Variants in LRP4 observed in about 807,000 individuals in gnomAD.
LRP4 encodes the protein low-density lipoprotein receptor-related protein 4.
A neutral mutation model predicts 220.3 loss-of-function variants in LRP4; 95 were observed. The observed-to-expected ratio is 0.43, with a 90% CI of 0.37 to 0.51. LRP4 has a LOEUF of 0.51. LRP4 is among the 20% of genes least tolerant of loss of function. LRP4 has a pLI of 0.00. For missense variants in LRP4, 1,925 were observed against 2,567.0 expected (o/e 0.75, Z 5.40); for synonymous variants, 903 against 954.6 (o/e 0.95, Z 1.00).
chr11:46,876,507 G>T lies in LRP4; in HGVS notation c.3495C>A (p.Asn1165Lys). ...GTACGATGGCCCGGGGACTGTCAAG[G>T]TTCTGCCACACCAACACTTTCCGCA... is the stretch of plus-strand genomic sequence containing the variant. ...GSMRKVLVWQ[N>K]LDSPRAIVLY... Residue 1165 changes from asparagine to lysine, a missense_variant, in exon 25 of 38, where the codon AAC (asparagine) becomes AAA (lysine). Coordinates refer to ENST00000378623, the MANE Select transcript of LRP4 (RefSeq NM_002334.4). 6.2e-7 allele frequency: 1 copy of T among 1,614,178 alleles called. No individual in the cohort carries two copies. The highest frequency in any genetic ancestry group is 8.5e-7 in the Non-Finnish European group (1 of 1,180,038).
At chr11:46,870,964 T>A (rs1008407219) in intron 31 of LRP4, among the ~76,000 whole-genome samples, 1 of 152,148 alleles carries the variant, frequency 6.6e-6, no homozygotes, top group Non-Finnish European at 1.5e-5. Context: ...CTGAGAGAGG[T>A]TCAGTCACTC....
chr11:46,894,336 C>A (rs1434206904), intron 12 of LRP4, among the ~76,000 whole-genome samples: 1 of 152,210 alleles, frequency 6.6e-6, no homozygotes, highest in Admixed American at 6.5e-5. Flanking sequence ...AAATCTGATT[C>A]CCATGATCAC....
intron 16 of LRP4, among the ~76,000 whole-genome samples, chr11:46,886,961 A>G (rs1416013635): frequency 1.3e-5 from 2 of 152,188 alleles, no homozygotes; most frequent in Admixed American, 1.3e-4. Flanking sequence ...TTAAGCCAGT[A>G]GCTTAAGCTG....
chr11:46,859,136 G>C lies in LRP4; in HGVS notation c.5565C>G (p.Gly1855=). The change falls in exon 38 of 38, where the codon GGC becomes GGG. Residue 1855 remains glycine (G), a synonymous_variant. Transcript: ENST00000378623. ...TDTVSIQASS[G]SLDDTETEQL... is the part of the protein sequence containing the mutation. ...GCTCCGTCTCTGTGTCATCCAGGGA[G>C]CCAGAGCTGGCCTGGATGGACACCG... 1 of 1,614,196 alleles carries C rather than the reference G, an allele frequency of 6.2e-7. No individual in the cohort carries two copies. The highest frequency in any genetic ancestry group is 8.5e-7 in the Non-Finnish European group (1 of 1,180,026).
At chr11:46,877,162 G>T (rs749555453) in intron 23 of LRP4, 37 bp downstream of exon 23, 3 of 1,611,422 alleles carry the variant, frequency 1.9e-6, no homozygotes, top group Non-Finnish European at 2.5e-6. Context: ...GAAGGGCAGG[G>T]ACAGAAGGCC....
chr11:46,915,391 C>A (rs1036261709), intron 1 of LRP4, among the ~76,000 whole-genome samples: 18 of 152,200 alleles, frequency 1.2e-4, no homozygotes, highest in Non-Finnish European at 2.2e-4. Flanking sequence ...CATGCCCTTA[C>A]TTCAAACTTC....
chr11:46,893,288 G>A (rs1047017406), intron 12 of LRP4, among the ~76,000 whole-genome samples, 159 bp from the exon 13 acceptor site: 46 of 152,190 alleles, frequency 3.0e-4, no homozygotes, highest in African/African-American at 1.1e-3. Context: ...AACTCTGTGA[G>A]CTAGATACTG....
intron 1 of LRP4, among the ~76,000 whole-genome samples, chr11:46,904,975 CAAAAAAAAAAAA>C (rs10589238): frequency 2.3e-5 from 1 of 44,278 alleles, no homozygotes; most frequent in African/African-American, 8.9e-5. Context: ...GACCTTGTCT[CAAAAAAAAAAAA>C]AAAAAAAAAA....
At chr11:46,884,458 C>T (rs7119247) in intron 18 of LRP4, among the ~76,000 whole-genome samples, 117,152 of 151,754 alleles carry the variant, frequency 0.77, 46,087 homozygotes, top group Middle Eastern at 0.86. Flanking sequence ...AAAAATTGGC[C>T]GGGCGCAGTG....
chr11:46,869,992 G>C (rs1318263962), intron 31 of LRP4, among the ~76,000 whole-genome samples: 1 of 152,044 alleles, frequency 6.6e-6, no homozygotes, highest in East Asian at 1.9e-4. Flanking sequence ...TGTAATCCCA[G>C]CTACTCAGGA....
At chr11:46,895,529 C>T (rs181218329) in intron 10 of LRP4, among the ~76,000 whole-genome samples, 7 of 152,062 alleles carry the variant, frequency 4.6e-5, no homozygotes, top group Admixed American at 2.0e-4. Flanking sequence ...TGCAGTGAGC[C>T]GAGATCGCAC....
At chr11:46,864,065 T>TTTG (rs1289892821) in intron 36 of LRP4, among the ~76,000 whole-genome samples, 1 of 152,184 alleles carries the variant, frequency 6.6e-6, no homozygotes, top group Non-Finnish European at 1.5e-5. Context: ...AAAGGCTGTG[T>TTTG]TTGTATAAGG....
At chr11:46,867,597 G>A (rs1940738192) in intron 34 of LRP4, among the ~76,000 whole-genome samples, 1 of 152,182 alleles carries the variant, frequency 6.6e-6, no homozygotes, top group Non-Finnish European at 1.5e-5. Flanking sequence ...GAGTAGCTGG[G>A]ATTACAGGCA....
intron 25 of LRP4, 58 bp downstream of exon 25, chr11:46,876,408 C>A: frequency 1.9e-6 from 3 of 1,606,740 alleles, no homozygotes; most frequent in Non-Finnish European, 2.6e-6. Flanking sequence ...TTTACCCCGT[C>A]ATAACCCCAG....
At chr11:46,898,029 G>A (rs1167657671) in intron 7 of LRP4, among the ~76,000 whole-genome samples, 11 of 144,628 alleles carry the variant, frequency 7.6e-5, no homozygotes, top group African/African-American at 2.4e-4. Context: ...CCTCCCGGAC[G>A]GGGCGGCTGG....
intron 1 of LRP4, among the ~76,000 whole-genome samples, chr11:46,905,773 AC>A (rs1351637530): frequency 6.7e-6 from 1 of 150,218 alleles, no homozygotes; most frequent in Non-Finnish European, 1.5e-5. Context: ...AATTGCTTGA[AC>A]CCAGGAGGCA....
At chr11:46,869,695 G>GT (rs35458209) in intron 31 of LRP4, among the ~76,000 whole-genome samples, 22,596 of 152,004 alleles carry the variant, frequency 0.15, 2,550 homozygotes, top group African/African-American at 0.32. Flanking sequence ...TCATCCAAGG[G>GT]TATATATCAG....
At position 46,859,187 on chromosome 11, in the gene LRP4, C is replaced by A; in HGVS notation, c.5514G>T (p.Arg1838=). Residue 1838 remains arginine (R), a synonymous_variant, in exon 38 of 38, where the codon CGG becomes CGT. Coordinates refer to ENST00000378623, the MANE Select transcript of LRP4 (RefSeq NM_002334.4). ...QLRSSRGGLL[R]DHVCMKTDTV... is the part of the protein sequence containing the mutation. ...TGTCTGTCTTCATGCATACATGATC[C>A]CGGAGGAGGCCCCCCCGTGAGCTTC... The A allele has an allele frequency of 6.2e-7, 1 of 1,614,110 alleles. No individual in the cohort carries two copies. The highest frequency in any genetic ancestry group is 1.6e-4 in the Middle Eastern group (1 of 6,062).
intron 16 of LRP4, among the ~76,000 whole-genome samples, chr11:46,886,843 A>G (rs1941304368): frequency 6.6e-6 from 1 of 152,160 alleles, no homozygotes; most frequent in African/African-American, 2.4e-5. Flanking sequence ...TGGCTTGCCC[A>G]CTGCCAACCC....
Sources: gnomAD v4.1 joint callset for allele counts (sites outside exome capture counted in the v4.1 genomes callset) on GRCh38, gnomAD v4.1.1 for gene constraint, MANE v1.5 for transcripts, NCBI Gene and HGNC (gene_info 2026-07-23, HGNC 2026-07-21) for gene names.